The following CLSTN2 variants were observed in gnomAD, a reference collection of about 807,000 sequenced individuals.
The protein encoded by CLSTN2 is calsyntenin-2.
A neutral mutation model predicts 101.2 loss-of-function variants in CLSTN2; 48 were observed. That is an observed-to-expected ratio of 0.47 (90% CI 0.38 to 0.60). The LOEUF is 0.60. CLSTN2 is among the 20% of genes least tolerant of loss of function. The probability of loss-of-function intolerance (pLI) is 0.00; values close to 1 mark genes in which losing one functional copy is unlikely to be tolerated. For synonymous variants in CLSTN2, 481 were observed against 463.6 expected, an observed-to-expected ratio of 1.04 and a Z score of -0.48; for missense variants, 1,160 against 1,238.2, an observed-to-expected ratio of 0.94 and a Z score of 0.95.
At chr3:140,422,274 C>A (rs1022508755) in intron 5 of CLSTN2, among the ~76,000 whole-genome samples, 1 of 152,042 alleles carries the variant, frequency 6.6e-6, no homozygotes, top group East Asian at 1.9e-4. Flanking sequence ...TCACTCACAT[C>A]CCTGTAGGGA....
intron 6 of CLSTN2, among the ~76,000 whole-genome samples, chr3:140,458,806 G>A (rs778375450): frequency 1.3e-5 from 2 of 152,092 alleles, no homozygotes; most frequent in African/African-American, 2.4e-5. Flanking sequence ...CTCACAACTC[G>A]CTGGAAAGAG....
chr3:140,561,400 T>C (rs891246699), intron 12 of CLSTN2, among the ~76,000 whole-genome samples: 1 of 152,332 alleles, frequency 6.6e-6, no homozygotes, highest in East Asian at 1.9e-4. Context: ...AGCATTCAAA[T>C]ACTCAGACAT....
Position 140,037,999 on chromosome 3 carries a change from A to G in CLSTN2, c.109+102516A>G, listed in dbSNP as rs147044498. On this transcript the variant is annotated intron_variant, in intron 1 of 16. Transcript: ENST00000458420. ...CTTTGGAATTGTGAATAGTGCTGCA[A>G]TGAACATACACGTGCAAGTATCTCT... 1.1e-3 allele frequency among the ~76,000 whole-genome samples: 160 copies of G among 152,332 alleles called. 1 individual carries two copies. Among genetic ancestry groups the G allele is most frequent in the African/African-American group, 3.5e-3 (144 of 41,570 alleles).
chr3:140,493,044 A>G (rs886163904), intron 8 of CLSTN2, among the ~76,000 whole-genome samples: 1 of 152,206 alleles, frequency 6.6e-6, no homozygotes, highest in African/African-American at 2.4e-5. Flanking sequence ...TCAGACATAG[A>G]TTAATATTTC....
chr3:140,486,565 A>C (rs114050539), intron 8 of CLSTN2, among the ~76,000 whole-genome samples: 180 of 152,366 alleles, frequency 1.2e-3, no homozygotes, highest in African/African-American at 4.2e-3. Flanking sequence ...GGCCCACTTT[A>C]GTTCAGAGTC....
At chr3:140,472,828 A>C (rs1240204636) in intron 8 of CLSTN2, among the ~76,000 whole-genome samples, 5 of 152,218 alleles carry the variant, frequency 3.3e-5, no homozygotes, top group Non-Finnish European at 1.5e-5. Context: ...AGTCACAAAT[A>C]GTGACTCACT....
intron 1 of CLSTN2, among the ~76,000 whole-genome samples, chr3:140,012,656 C>A (rs541043535): frequency 6.6e-6 from 1 of 152,282 alleles, no homozygotes; most frequent in Admixed American, 6.5e-5. Context: ...ACTCTCCCAG[C>A]TGCAAGGAAG....
chr3:140,525,102 G>A (rs1935110185), intron 8 of CLSTN2, among the ~76,000 whole-genome samples: 1 of 152,082 alleles, frequency 6.6e-6, no homozygotes, highest in African/African-American at 2.4e-5. Context: ...TAACATCAGA[G>A]GAGAACTGAA....
intron 2 of CLSTN2, among the ~76,000 whole-genome samples, chr3:140,266,281 A>G (rs961744875): frequency 1.3e-5 from 2 of 152,170 alleles, no homozygotes; most frequent in East Asian, 3.9e-4. Context: ...AAAAAGCATA[A>G]ATGAGCAGAA....
At chr3:140,036,575 C>G (rs76780706) in intron 1 of CLSTN2, among the ~76,000 whole-genome samples, 10,726 of 152,152 alleles carry the variant, frequency 0.07, 435 homozygotes, top group East Asian at 0.16. Flanking sequence ...CTCAGGAAAT[C>G]TAGAAACATT....
At chr3:140,442,831 T>A (rs757934233) in intron 5 of CLSTN2, among the ~76,000 whole-genome samples, 6 of 152,188 alleles carry the variant, frequency 3.9e-5, no homozygotes, top group Non-Finnish European at 8.8e-5. Flanking sequence ...TGACCTTCTT[T>A]TACCTCTCCA....
intron 1 of CLSTN2, among the ~76,000 whole-genome samples, chr3:140,118,254 G>A (rs1336855803): frequency 1.3e-5 from 2 of 152,112 alleles, no homozygotes; most frequent in East Asian, 3.9e-4. Context: ...GAAAATAAAT[G>A]TTTGTGTTTA....
At chr3:140,299,676 A>G (rs1201823157) in intron 2 of CLSTN2, among the ~76,000 whole-genome samples, 1 of 152,188 alleles carries the variant, frequency 6.6e-6, no homozygotes, top group Non-Finnish European at 1.5e-5. Flanking sequence ...GCTCTGCATC[A>G]TGAAGGATGC....
chr3:140,016,977 G>A (rs759082978), intron 1 of CLSTN2, among the ~76,000 whole-genome samples: 12 of 152,242 alleles, frequency 7.9e-5, no homozygotes, highest in Non-Finnish European at 1.6e-4. Context: ...CTGCACAAGC[G>A]ATGTCGGTGT....
intron 2 of CLSTN2, among the ~76,000 whole-genome samples, chr3:140,197,427 A>G (rs568944386): frequency 6.6e-6 from 1 of 152,240 alleles, no homozygotes; most frequent in Non-Finnish European, 1.5e-5. Flanking sequence ...CATTTTCACC[A>G]ATCACATGAG....
intron 2 of CLSTN2, among the ~76,000 whole-genome samples, chr3:140,341,747 A>G (rs1046189502): frequency 8.5e-5 from 13 of 152,172 alleles, no homozygotes; most frequent in African/African-American, 2.9e-4. Flanking sequence ...TTAGTCTGCG[A>G]TACATTGAAA....
At chr3:140,408,022 A>T (rs1324932318) in intron 4 of CLSTN2, among the ~76,000 whole-genome samples, 1 of 152,184 alleles carries the variant, frequency 6.6e-6, no homozygotes, top group Non-Finnish European at 1.5e-5. Context: ...GTACAATCAG[A>T]CAGCTATCTA....
intron 8 of CLSTN2, among the ~76,000 whole-genome samples, chr3:140,502,305 G>T (rs943855490): frequency 6.6e-6 from 1 of 152,202 alleles, no homozygotes; most frequent in South Asian, 2.1e-4. Context: ...ACACAGGCTT[G>T]TGGGGCTGAG....
intron 10 of CLSTN2, among the ~76,000 whole-genome samples, chr3:140,552,207 GCTAT>G (rs1326938382): frequency 1.3e-5 from 2 of 152,200 alleles, no homozygotes; most frequent in East Asian, 3.9e-4. Context: ...TTCTGCAAGG[GCTAT>G]CTGTCTAGCA....
Sources: allele counts gnomAD v4.1 joint callset (sites outside exome capture counted in the v4.1 genomes callset), GRCh38; gene constraint gnomAD v4.1.1; transcripts MANE v1.5; gene names NCBI Gene and HGNC (gene_info 2026-07-23, HGNC 2026-07-21).